Variants in SLX4 observed in about 807,000 individuals in gnomAD.
SLX4 encodes the protein structure-specific endonuclease subunit SLX4.
Under a neutral mutation model 146.2 loss-of-function variants are expected in SLX4, and 112 were observed. That is an observed-to-expected ratio of 0.77 (90% CI 0.66 to 0.90). The LOEUF (loss-of-function observed/expected upper bound fraction) is 0.90, where lower values mean the gene tolerates loss of function less well. Ranked by LOEUF, SLX4 falls within the 40% of genes least tolerant of loss-of-function variation. The pLI, the probability that SLX4 is intolerant of heterozygous loss-of-function variation, is 0.00. For synonymous variants in SLX4, 1,061 were observed against 997.7 expected (o/e 1.06, Z -1.20); for missense variants, 2,563 against 2,392.7 (o/e 1.07, Z -1.49).
At chr16:3,610,813 A>T (rs1315003466) in intron 1 of SLX4, among the ~76,000 whole-genome samples, 9 of 152,186 alleles carry the variant, frequency 5.9e-5, no homozygotes, top group Non-Finnish European at 1.3e-4. Flanking sequence ...ATGAATTGCA[A>T]AGAGTTCGGT....
At position 3,597,460 on chromosome 16, in the gene SLX4, G is replaced by A. The variant is rs201754095; in HGVS notation, c.1602C>T (p.Ser534=). Residue 534 remains serine, a synonymous_variant, in exon 7 of 15, where the codon AGC becomes AGT. Coordinates refer to ENST00000294008, the MANE Select transcript of SLX4 (RefSeq NM_032444.4). This position sits in a 1 kb window ranked among gnomAD's most constrained non-coding sequence, Gnocchi z 4.4. ...CCATGGCCCAGGCCCCAGTCAGTGCGCTGCCCTCCCACAGAAAGCTCTGCT... is the reference window on the plus strand; with the variant it reads ...CCATGGCCCAGGCCCCAGTCAGTGCACTGCCCTCCCACAGAAAGCTCTGCT... ...ERKQSFLWEG[S]ALTGAWAMED... 5.4e-5 allele frequency: 87 copies of A among 1,613,340 alleles called. No homozygotes were observed. Among genetic ancestry groups the A allele is most frequent in the Non-Finnish European group, 2.5e-5 (30 of 1,179,796 alleles).
At chr16:3,583,990 T>G (rs980748228) in intron 13 of SLX4, among the ~76,000 whole-genome samples, 8 of 149,822 alleles carry the variant, frequency 5.3e-5, no homozygotes, top group African/African-American at 1.7e-4. Context: ...CAGAGTGAGA[T>G]CCTGTCTCCA....
At position 3,590,419 on chromosome 16, in the gene SLX4, C is replaced by T. The variant is rs2151124023; in HGVS notation, c.3219G>A (p.Leu1073=). 1 of 1,614,192 alleles carries T rather than the reference C, an allele frequency of 6.2e-7. No homozygotes were observed. The highest frequency in any genetic ancestry group is 2.2e-5 in the East Asian group (1 of 44,870). The change falls in exon 12 of 15, where the codon TTG becomes TTA. Residue 1073 remains leucine, a synonymous_variant. Coordinates refer to ENST00000294008, the MANE Select transcript of SLX4 (RefSeq NM_032444.4). This position sits in a 1 kb window ranked among gnomAD's most constrained non-coding sequence, Gnocchi z 4.8. ...GCTTTGATGGCACAGCTGGAGACAGCAAGGTTGGGGAGCCCACCTGGGAAG... is the reference window on the plus strand; with the variant it reads ...GCTTTGATGGCACAGCTGGAGACAGTAAGGTTGGGGAGCCCACCTGGGAAG... ...GGTSQVGSPT[L]LSPAVPSKQK...
chr16:3,584,709 C>T (rs752017501), intron 13 of SLX4, 60 bp downstream of exon 13: 29 of 1,331,616 alleles, frequency 2.2e-5, no homozygotes, highest in Non-Finnish European at 3.1e-5. Flanking sequence ...GTGTGTGAAA[C>T]CCAGTTACTT....
intron 12 of SLX4, 112 bp from the exon 13 acceptor site, chr16:3,584,983 C>T (rs1345330119): frequency 3.3e-5 from 28 of 854,778 alleles, no homozygotes; most frequent in Non-Finnish European, 4.8e-5. Flanking sequence ...ACCCAAGCAT[C>T]GTTTTGCTCC....
At chr16:3,584,104 T>A (rs1324645160) in intron 13 of SLX4, among the ~76,000 whole-genome samples, 1 of 151,686 alleles carries the variant, frequency 6.6e-6, no homozygotes, top group Non-Finnish European at 1.5e-5. Flanking sequence ...CATGTGGATG[T>A]GAGAGTTAAA....
Position 3,589,782 on chromosome 16 carries a change from C to A in SLX4, c.3856G>T (p.Ala1286Ser), listed in dbSNP as rs2151122633. 6.2e-7 allele frequency: 1 copy of A among 1,613,552 alleles called. No individual in the cohort carries two copies. The highest frequency in any genetic ancestry group is 8.5e-7 in the Non-Finnish European group (1 of 1,180,038). Residue 1286 changes from alanine to serine, a missense_variant, in exon 12 of 15, where the codon GCG becomes TCG. By Grantham distance (99) the Ala-to-Ser change is moderately conservative. Transcript: ENST00000294008. The surrounding 1 kb of genome is among the most constrained non-coding windows in gnomAD (Gnocchi z 6.2). Reference sequence around the variant, plus strand: ...GCCCTGGGCGTGTGCTGAGTCACCGCCTGCACGGCCAGCCCGCTCCTGAGG... The same window carrying A: ...GCCCTGGGCGTGTGCTGAGTCACCGACTGCACGGCCAGCCCGCTCCTGAGG... ...SSLRSGLAVQ[A>S]VTQHTPRASV...
At position 3,591,169 on chromosome 16, in the gene SLX4, C is replaced by T. The variant is rs1267428175; in HGVS notation, c.2469G>A (p.Trp823Ter). The T allele has an allele frequency of 3.1e-6, 5 of 1,614,078 alleles. No homozygotes were observed. The highest frequency in any genetic ancestry group is 3.4e-6 in the Non-Finnish European group (4 of 1,180,052). The change falls in exon 12 of 15, where the codon TGG becomes TGA. Residue 823 changes from tryptophan (W) to a stop codon, truncating the protein, a stop_gained. Coordinates refer to ENST00000294008, the MANE Select transcript of SLX4 (RefSeq NM_032444.4). LOFTEE classifies it high-confidence loss of function. ...TCTCCGCTTCCTCCTCTTCATCTGC[C>T]CACATTGACCTCAAGAGTTCCTGGA... ...ENFQELLRSM[W>*]ADEEEEAETL...
chr16:3,602,130 T>C lies in SLX4; in HGVS notation c.938A>G (p.Gln313Arg). ...AAGCTGCCCCCACCTGTTCACATGC[T>C]GTTCCCTTCGGGTCACGTTCATGGC... ...LSAMNVTRRE[Q>R]HVNRCLDEAE... is the part of the protein sequence containing the mutation. Residue 313 changes from glutamine (Q) to arginine (R), a missense_variant, in exon 4 of 15, where the codon CAG becomes CGG. Coordinates refer to ENST00000294008, the MANE Select transcript of SLX4 (RefSeq NM_032444.4). 1 of 1,614,184 alleles carries C rather than the reference T, an allele frequency of 6.2e-7. No homozygotes were observed. Among genetic ancestry groups the C allele is most frequent in the Middle Eastern group, 1.6e-4 (1 of 6,062 alleles).
In SLX4 at chr16:3,589,243, A is replaced by G. The variant is rs1284759602; in HGVS notation, c.4395T>C (p.Arg1465=). Residue 1465 remains arginine (R), a synonymous_variant, in exon 12 of 15, where the codon CGT becomes CGC. Coordinates refer to ENST00000294008, the MANE Select transcript of SLX4 (RefSeq NM_032444.4). The surrounding 1 kb of genome is among the most constrained non-coding windows in gnomAD (Gnocchi z 6.2). The stretch of plus-strand genomic sequence containing the variant: ...CCAGGAGTCCCGGGGAGCGACAGTC[A>G]CGGCTGTCGGCGGCCTCGTTCATCC... ...SRRMNEAADS[R]DCRSPGLLDT... 6.2e-7 allele frequency: 1 copy of G among 1,607,816 alleles called. No individual in the cohort carries two copies. The highest frequency in any genetic ancestry group is 1.3e-5 in the African/African-American group (1 of 74,682).
intron 2 of SLX4, among the ~76,000 whole-genome samples, chr16:3,607,110 C>G (rs1216427357): frequency 6.6e-6 from 1 of 152,152 alleles, no homozygotes; most frequent in Non-Finnish European, 1.5e-5. Flanking sequence ...GGTTTATGTC[C>G]TAGATCAGTT....
rs777279668 is a variant in SLX4, at chr16:3,594,593, G to C, written c.2020C>G (p.Leu674Val). The change falls in exon 10 of 15, where the codon CTC (leucine) becomes GTC (valine). Residue 674 changes from leucine (L) to valine (V), a missense_variant. Transcript: ENST00000294008. ...PDRGGRTLLS[L>V]GLLVADFGAM... ...CCAAAGTCAGCAACCAGCAGCCCGA[G>C]GGAGAGCTGAAGCAGGAGGAGAGGA... 2.5e-6 allele frequency: 4 copies of C among 1,613,996 alleles called. No individual in the cohort carries two copies. The African/African-American group carries it at 5.3e-5, about 22-fold the overall frequency.
rs1212941188 is a variant in SLX4 at position 3,589,102 on chromosome 16, G to A, written c.4536C>T (p.Asp1512=). The A allele has an allele frequency of 1.4e-5, 22 of 1,613,974 alleles. No individual in the cohort carries two copies. The highest frequency in any genetic ancestry group is 4.5e-5 in the East Asian group (2 of 44,896). Reference sequence around the variant, plus strand: ...GCCTCTGCTCTTCCCCGTCCCAAACGTCCCACAGAGCCGAATTCAGAAAGC... The same window carrying A: ...GCCTCTGCTCTTCCCCGTCCCAAACATCCCACAGAGCCGAATTCAGAAAGC... ...RPSFLNSALW[D]VWDGEEQRPP... Residue 1512 remains aspartate, a synonymous_variant, in exon 12 of 15, where the codon GAC becomes GAT. Transcript: ENST00000294008. The surrounding 1 kb of genome is among the most constrained non-coding windows in gnomAD (Gnocchi z 6.2).
chr16:3,596,106 G>A (rs1164125426), intron 8 of SLX4, 47 bp downstream of exon 8: 7 of 1,534,230 alleles, frequency 4.6e-6, no homozygotes, highest in Non-Finnish European at 5.3e-6. Flanking sequence ...GGGGAGGGGA[G>A]GCCCGGGAGG....
chr16:3,599,713 C>T (rs576549501), intron 5 of SLX4, among the ~76,000 whole-genome samples: 3 of 152,116 alleles, frequency 2.0e-5, no homozygotes, highest in South Asian at 2.1e-4. Flanking sequence ...CAGCCTCCCA[C>T]GTAGCTGGGA....
At position 3,589,268 on chromosome 16, in the gene SLX4, C is replaced by T; in HGVS notation, c.4370G>A (p.Arg1457Lys). ...ACGGCTGTCGGCGGCCTCGTTCATC[C>T]TGCGGCTGGGGCTGCTGGTGCTCAG... Reference protein sequence around the residue: ...GPLSTSSPSRRMNEAADSRDC... With the variant: ...GPLSTSSPSRKMNEAADSRDC... The change falls in exon 12 of 15, where the codon AGG becomes AAG. Residue 1457 changes from arginine to lysine, a missense_variant. Physicochemically the swap from Arg to Lys is conservative, Grantham distance 26. Coordinates refer to ENST00000294008, the MANE Select transcript of SLX4 (RefSeq NM_032444.4). The surrounding 1 kb of genome is among the most constrained non-coding windows in gnomAD (Gnocchi z 6.2). 6.2e-7 allele frequency: 1 copy of T among 1,600,958 alleles called. No homozygotes were observed. Among genetic ancestry groups the T allele is most frequent in the Non-Finnish European group, 8.5e-7 (1 of 1,172,076 alleles).
chr16:3,582,284 CA>C lies in SLX4; in HGVS notation c.*57del, dbSNP rs1307749711. The C allele has an allele frequency of 1.4e-6, 2 of 1,460,114 alleles. No individual in the cohort carries two copies. Among genetic ancestry groups the C allele is most frequent in the Non-Finnish European group, 1.8e-6 (2 of 1,082,854 alleles). 90.4% of individuals were successfully genotyped at this position (1,460,114 alleles called of 1,614,324 possible). A position where few individuals can be genotyped will look rare whatever the true frequency, so the allele number is the denominator to read the frequency against. On this transcript the variant is annotated 3_prime_UTR_variant, in exon 15 of 15. Coordinates refer to ENST00000294008, the MANE Select transcript of SLX4 (RefSeq NM_032444.4). ...CGCTGGGTGTCCCAGGTCCTCCCTG[CA>C]AATGGCGGGGGTGGGGGCTGCTGAT...
intron 3 of SLX4, among the ~76,000 whole-genome samples, chr16:3,604,075 C>A (rs1237501548): frequency 6.6e-6 from 1 of 151,588 alleles, no homozygotes; most frequent in Non-Finnish European, 1.5e-5. Context: ...AGTAAAAATA[C>A]AAAAAAATTA....
At position 3,608,552 on chromosome 16, in the gene SLX4, T is replaced by C; in HGVS notation, c.413A>G (p.Asn138Ser). ...AGAGGCAAGCACACCCCCCTCCCCA[T>C]TCACAGAGTGGGCCGGTTCACTTGC... ...WQASEPAHSVNGEGGVLASAP... is the reference protein window; with the variant it reads ...WQASEPAHSVSGEGGVLASAP... Residue 138 changes from asparagine (N) to serine (S), a missense_variant, in exon 2 of 15, where the codon AAT (asparagine) becomes AGT (serine). Physicochemically the swap from Asn to Ser is conservative, Grantham distance 46 (BLOSUM62 1). Transcript: ENST00000294008. 1.2e-6 allele frequency: 2 copies of C among 1,614,160 alleles called. No individual in the cohort carries two copies. Among genetic ancestry groups the C allele is most frequent in the South Asian group, 2.2e-5 (2 of 91,084 alleles).
Sources: gnomAD v4.1 joint callset for allele counts (sites outside exome capture counted in the v4.1 genomes callset) on GRCh38, gnomAD v4.1.1 for gene constraint, Gnocchi (gnomAD v3.1) non-coding constraint, MANE v1.5 for transcripts, NCBI Gene and HGNC (gene_info 2026-07-23, HGNC 2026-07-21) for gene names.